SLC25A28: variants seen among roughly 807,000 people sequenced by gnomAD.
The protein encoded by SLC25A28 is mitoferrin-2.
A neutral mutation model predicts 31.9 loss-of-function variants in SLC25A28; 10 were observed. The observed-to-expected ratio is 0.31, with a 90% CI of 0.19 to 0.53. The LOEUF (loss-of-function observed/expected upper bound fraction) is 0.53, where lower values mean the gene tolerates loss of function less well. Among genes scored for constraint, SLC25A28 ranks in the 20% least tolerant of loss-of-function variants. The pLI is 0.95. For missense variants in SLC25A28, 256 were observed against 490.3 expected, an observed-to-expected ratio of 0.52 and a Z score of 4.51; for synonymous variants, 208 against 203.6, an observed-to-expected ratio of 1.02 and a Z score of -0.19.
At chr10:99,639,655 C>G in the SLC25A28 span, among the ~76,000 whole-genome samples, 3 of 151,528 alleles carry the variant, frequency 2.0e-5, no homozygotes, top group East Asian at 5.8e-4. Context: ...CCCCCCATCC[C>G]CCTACTCCGC....
chr10:99,629,429 CA>C, the SLC25A28 span, among the ~76,000 whole-genome samples: 1 of 152,140 alleles, frequency 6.6e-6, no homozygotes, highest in African/African-American at 2.4e-5. Flanking sequence ...AAGACTAAGA[CA>C]ATTTCCAAAA....
At chr10:99,643,204 T>C in the SLC25A28 span, among the ~76,000 whole-genome samples, 4 of 152,232 alleles carry the variant, frequency 2.6e-5, no homozygotes, top group Non-Finnish European at 5.9e-5. Flanking sequence ...CCTGGACTTT[T>C]TTTGGTTGGT....
chr10:99,620,456 G>T (rs901938803), upstream of SLC25A28: 2 of 1,046,324 alleles, frequency 1.9e-6, no homozygotes, highest in African/African-American at 1.7e-5. Flanking sequence ...TCCGGCTCCC[G>T]CTTGGCCCCG....
chr10:99,651,718 G>A, the SLC25A28 span, among the ~76,000 whole-genome samples: 1 of 151,020 alleles, frequency 6.6e-6, no homozygotes, highest in East Asian at 1.9e-4. Context: ...AGCCTCCTGA[G>A]TAACTCGGAT....
intron 2 of SLC25A28, 45 bp from the exon 3 acceptor site, chr10:99,612,644 G>C: frequency 1.2e-6 from 2 of 1,611,906 alleles, no homozygotes; most frequent in Non-Finnish European, 1.7e-6. Flanking sequence ...CAAGAGAGCT[G>C]ACCAACTCAT....
chr10:99,640,733 A>G, the SLC25A28 span, among the ~76,000 whole-genome samples: 42 of 143,560 alleles, frequency 2.9e-4, no homozygotes, highest in Admixed American at 1.1e-3. Context: ...ACCTCATGAC[A>G]GGCCCCGGTG....
At chr10:99,637,546 C>A in the SLC25A28 span, among the ~76,000 whole-genome samples, 1 of 152,116 alleles carries the variant, frequency 6.6e-6, no homozygotes, top group African/African-American at 2.4e-5. Context: ...CTAAAGACTC[C>A]TCCAGAAAGC....
chr10:99,645,185 G>A, the SLC25A28 span, among the ~76,000 whole-genome samples: 3 of 152,158 alleles, frequency 2.0e-5, no homozygotes, highest in Non-Finnish European at 4.4e-5. Flanking sequence ...TCACTTTCAG[G>A]TACACCAATC....
chr10:99,643,745 C>T, the SLC25A28 span, among the ~76,000 whole-genome samples: 2 of 152,118 alleles, frequency 1.3e-5, no homozygotes, highest in African/African-American at 4.8e-5. Context: ...AAATGTGTCC[C>T]AGAGATTCTG....
the SLC25A28 span, among the ~76,000 whole-genome samples, chr10:99,631,878 A>ATTGTTTTT: frequency 1.1e-5 from 1 of 92,904 alleles, no homozygotes; most frequent in Non-Finnish European, 2.0e-5. Flanking sequence ...TCAGTATGTT[A>ATTGTTTTT]TTTTTTTTTT....
At chr10:99,642,468 A>C in the SLC25A28 span, among the ~76,000 whole-genome samples, 2 of 152,082 alleles carry the variant, frequency 1.3e-5, no homozygotes, top group Non-Finnish European at 2.9e-5. Flanking sequence ...AGGTTTTGGG[A>C]TGAGACGATG....
At chr10:99,623,400 A>G (rs1327407028), upstream of SLC25A28, among the ~76,000 whole-genome samples, 1 of 152,196 alleles carries the variant, frequency 6.6e-6, no homozygotes, top group East Asian at 1.9e-4. Flanking sequence ...TTTCCATGAA[A>G]GTCTTCATTA....
At chr10:99,629,314 G>A in the SLC25A28 span, among the ~76,000 whole-genome samples, 1 of 152,114 alleles carries the variant, frequency 6.6e-6, no homozygotes, top group Non-Finnish European at 1.5e-5. Context: ...CAGAAGCTGG[G>A]GAGATGCTGG....
rs2034573901 is a variant in SLC25A28 at position 99,613,321 on chromosome 10, G to T, written c.520+375C>A. 9.5e-7 allele frequency: 1 copy of T among 1,053,676 alleles called. No homozygotes were observed. The highest frequency in any genetic ancestry group is 1.2e-6 in the Non-Finnish European group (1 of 853,414). The allele number at this position is 1,053,676 out of a possible 1,614,324, so 65.3% of individuals were successfully genotyped here. On this transcript the variant is annotated intron_variant, in intron 2 of 3. Transcript: ENST00000370495. The surrounding 1 kb of genome is among the most constrained non-coding windows in gnomAD (Gnocchi z 4.9). Reference sequence around the variant, plus strand: ...GCTTCATTAGTATCTTCCTTGGGTGGCTGGCTGGGTCGCCTCCAATCCTGC... The same window carrying T: ...GCTTCATTAGTATCTTCCTTGGGTGTCTGGCTGGGTCGCCTCCAATCCTGC...
At chr10:99,618,769 C>T (rs1406728461) in intron 1 of SLC25A28, 7 of 985,186 alleles carry the variant, frequency 7.1e-6, no homozygotes, top group Non-Finnish European at 6.0e-6. Flanking sequence ...GCTTAATGAG[C>T]GCTCCCCCCA....
upstream of SLC25A28, chr10:99,621,547 G>A (rs1305615693): frequency 6.6e-6 from 1 of 152,304 alleles, no homozygotes; most frequent in African/African-American, 2.4e-5. Flanking sequence ...GCCTGGCGAT[G>A]AGGGCTTCTC....
rs1349682417 is a variant in SLC25A28 at position 99,617,063 on chromosome 10, C to T, written c.291+2982G>A. 3.0e-6 allele frequency: 3 copies of T among 985,238 alleles called. No homozygotes were observed. In the East Asian group the frequency reaches 3.4e-4, roughly 112 times the overall value. 61.0% of individuals were successfully genotyped at this position (985,238 alleles called of 1,614,324 possible). A position where few individuals can be genotyped will look rare whatever the true frequency, so the allele number is the denominator to read the frequency against. The stretch of plus-strand genomic sequence containing the variant: ...GGAGATTTATCTCCCTCTGCTCTTC[C>T]CCTCTTTATTATATAAGTGGATATT... On this transcript the variant is annotated intron_variant, in intron 1 of 3. Coordinates refer to ENST00000370495, the MANE Select transcript of SLC25A28 (RefSeq NM_031212.4).
chr10:99,637,703 A>C, the SLC25A28 span, among the ~76,000 whole-genome samples: 1 of 151,934 alleles, frequency 6.6e-6, no homozygotes, highest in Admixed American at 6.6e-5. Context: ...AAAAACAAAA[A>C]CAAACAAACA....
At chr10:99,639,024 C>T in the SLC25A28 span, among the ~76,000 whole-genome samples, 1 of 151,894 alleles carries the variant, frequency 6.6e-6, no homozygotes, top group East Asian at 1.9e-4. Flanking sequence ...AATGCAAAAT[C>T]GTAGAACCAA....
Sources: gnomAD v4.1 joint callset for allele counts (sites outside exome capture counted in the v4.1 genomes callset) on GRCh38, gnomAD v4.1.1 for gene constraint, Gnocchi (gnomAD v3.1) non-coding constraint, MANE v1.5 for transcripts, NCBI Gene and HGNC (gene_info 2026-07-23, HGNC 2026-07-21) for gene names.